The following NOVA1 variants were observed in gnomAD, a reference collection of about 807,000 sequenced individuals.
The protein encoded by NOVA1 is RNA-binding protein Nova-1.
A neutral mutation model predicts 38.0 loss-of-function variants in NOVA1; 7 were observed. The ratio of observed to expected loss-of-function variants is 0.18; its 90% confidence interval spans 0.10 to 0.35. NOVA1 has a LOEUF of 0.35. NOVA1 is among the 10% of genes least tolerant of loss of function. The probability of loss-of-function intolerance (pLI) is 1.00; values close to 1 mark genes in which losing one functional copy is unlikely to be tolerated. For synonymous variants in NOVA1, 270 were observed against 232.5 expected (o/e 1.16, Z -1.47); for missense variants, 460 against 616.0 (o/e 0.75, Z 2.68).
chr14:26,597,008 T>C lies in NOVA1; in HGVS notation c.136+293A>G, dbSNP rs1040373898. Reference sequence around the variant, plus strand: ...CCTTCTTGCCCAGGTCTAGGATATTTACATGGTCAACCTCTGGACCGATTA... The same window carrying C: ...CCTTCTTGCCCAGGTCTAGGATATTCACATGGTCAACCTCTGGACCGATTA... On this transcript the variant is annotated intron_variant, in intron 1 of 4. Coordinates refer to ENST00000539517, the MANE Select transcript of NOVA1 (RefSeq NM_002515.3). 1.6e-5 allele frequency: 20 copies of C among 1,257,480 alleles called. No individual in the cohort carries two copies. In the African/African-American group the frequency reaches 2.9e-4, roughly 18 times the overall value. 77.9% of individuals were successfully genotyped at this position (1,257,480 alleles called of 1,614,324 possible).
At chr14:26,489,852 A>G (rs1886199223) in intron 2 of NOVA1, among the ~76,000 whole-genome samples, 1 of 152,188 alleles carries the variant, frequency 6.6e-6, no homozygotes, top group Admixed American at 6.5e-5. Flanking sequence ...TAAATAAAAA[A>G]TAAAAATTGT....
chr14:26,468,871 T>C (rs1051194123), intron 4 of NOVA1, among the ~76,000 whole-genome samples: 1 of 152,184 alleles, frequency 6.6e-6, no homozygotes, highest in African/African-American at 2.4e-5. Flanking sequence ...TTTTATTCTT[T>C]TCATGAAATT....
At chr14:26,506,511 C>T (rs1051113364) in intron 2 of NOVA1, among the ~76,000 whole-genome samples, 3 of 152,114 alleles carry the variant, frequency 2.0e-5, no homozygotes, top group Non-Finnish European at 2.9e-5. Context: ...GTTGTCTTCG[C>T]CAATCAAGAA....
chr14:26,479,249 C>T (rs1034216522), intron 3 of NOVA1: 1 of 151,884 alleles, frequency 6.6e-6, no homozygotes, highest in Non-Finnish European at 1.5e-5. Flanking sequence ...AATTTATAGA[C>T]GTAAAAGAGT....
chr14:26,523,895 C>A (rs981621254), intron 2 of NOVA1, among the ~76,000 whole-genome samples: 171 of 151,750 alleles, frequency 1.1e-3, no homozygotes, highest in Non-Finnish European at 2.1e-3. Flanking sequence ...GGACTACAGG[C>A]GCCCGACACC....
At chr14:26,486,172 T>C (rs1033219665) in intron 2 of NOVA1, among the ~76,000 whole-genome samples, 1 of 152,198 alleles carries the variant, frequency 6.6e-6, no homozygotes, top group African/African-American at 2.4e-5. Context: ...TATTTTCAAA[T>C]ACATTTAAAT....
chr14:26,561,132 AT>A (rs913620925), intron 2 of NOVA1, among the ~76,000 whole-genome samples: 1 of 152,098 alleles, frequency 6.6e-6, no homozygotes, highest in African/African-American at 2.4e-5. Context: ...GCCACTGCTG[AT>A]CTGACAGGAG....
intron 4 of NOVA1, among the ~76,000 whole-genome samples, chr14:26,451,318 AC>A (rs535726151): frequency 7.2e-5 from 11 of 152,232 alleles, no homozygotes; most frequent in South Asian, 2.1e-4. Flanking sequence ...CAATAAAAAA[AC>A]AATATATTTT....
intron 1 of NOVA1, 94 bp downstream of exon 1, chr14:26,597,207 G>A (rs1379961373): frequency 1.9e-6 from 2 of 1,045,556 alleles, no homozygotes; most frequent in Non-Finnish European, 2.4e-6. Context: ...CCGCGGGAGG[G>A]AGGGAGGGAA....
At chr14:26,469,478 T>C (rs1884416685) in intron 4 of NOVA1, among the ~76,000 whole-genome samples, 1 of 152,160 alleles carries the variant, frequency 6.6e-6, no homozygotes, top group Non-Finnish European at 1.5e-5. Flanking sequence ...AGATAAGAAA[T>C]TAAATAAACA....
chr14:26,591,794 A>C (rs1472572156), intron 2 of NOVA1, among the ~76,000 whole-genome samples: 1 of 151,584 alleles, frequency 6.6e-6, no homozygotes, highest in African/African-American at 2.4e-5. Flanking sequence ...TATGATTTAA[A>C]AAAATGTATA....
chr14:26,579,712 G>A (rs1259921336), intron 2 of NOVA1, among the ~76,000 whole-genome samples: 2 of 151,990 alleles, frequency 1.3e-5, no homozygotes, highest in East Asian at 3.9e-4. Context: ...AATGACTCAT[G>A]GAAAATACTT....
intron 2 of NOVA1, among the ~76,000 whole-genome samples, chr14:26,582,048 A>T (rs564540382): frequency 1.3e-4 from 19 of 152,000 alleles, no homozygotes; most frequent in African/African-American, 4.6e-4. Context: ...TAAAAACAAC[A>T]CAATCCCATT....
intron 2 of NOVA1, among the ~76,000 whole-genome samples, chr14:26,525,195 T>A (rs1889211540): frequency 6.6e-6 from 1 of 152,168 alleles, no homozygotes. Flanking sequence ...CTGTCTGTTT[T>A]ACATTAGCAA....
At chr14:26,467,714 C>G (rs528786819) in intron 4 of NOVA1, among the ~76,000 whole-genome samples, 1 of 152,172 alleles carries the variant, frequency 6.6e-6, no homozygotes, top group South Asian at 2.1e-4. Context: ...TGGTTTTAGA[C>G]AAGAGCAGGG....
At chr14:26,586,794 T>G (rs1225416129) in intron 2 of NOVA1, among the ~76,000 whole-genome samples, 1 of 151,184 alleles carries the variant, frequency 6.6e-6, no homozygotes, top group Admixed American at 6.6e-5. Flanking sequence ...TGATATCCTT[T>G]TCTAAAAGAA....
chr14:26,512,897 A>G (rs1180648497), intron 2 of NOVA1, among the ~76,000 whole-genome samples: 1 of 152,040 alleles, frequency 6.6e-6, no homozygotes, highest in East Asian at 1.9e-4. Flanking sequence ...CTATAATATA[A>G]AAGGATCTAT....
chr14:26,521,073 A>G (rs1232952438), intron 2 of NOVA1, among the ~76,000 whole-genome samples: 1 of 152,100 alleles, frequency 6.6e-6, no homozygotes, highest in Non-Finnish European at 1.5e-5. Context: ...ATGGTCCTAA[A>G]GTAGATTTGA....
intron 4 of NOVA1, chr14:26,470,222 T>C (rs1884475446): frequency 9.3e-7 from 1 of 1,072,316 alleles, no homozygotes; most frequent in African/African-American, 1.6e-5. Context: ...TATTTTCTTA[T>C]CTTGGTTATA....
Sources: gnomAD v4.1 joint callset for allele counts (sites outside exome capture counted in the v4.1 genomes callset) on GRCh38, gnomAD v4.1.1 for gene constraint, MANE v1.5 for transcripts, NCBI Gene and HGNC (gene_info 2026-07-23, HGNC 2026-07-21) for gene names.